Variants in DMTN observed in about 807,000 individuals in gnomAD.
DMTN encodes dematin actin binding protein, also known as dematin.
DMTN carries 27 observed loss-of-function variants against 59.4 expected under a neutral mutation model. The ratio of observed to expected loss-of-function variants is 0.45; its 90% CI spans 0.33 to 0.63. The LOEUF (loss-of-function observed/expected upper bound fraction) is 0.63. DMTN is among the 20% of genes least tolerant of loss of function. DMTN has a pLI of 0.02. For synonymous variants in DMTN, 221 were observed against 203.7 expected (o/e 1.08, Z -0.72); for missense variants, 451 against 528.9 (o/e 0.85, Z 1.45).
chr8:22,069,482 AC>A lies in DMTN; in HGVS notation c.364del (p.Arg122GlyfsTer109). 1.2e-6 allele frequency: 2 copies of A among 1,610,602 alleles called. No homozygotes were observed. Among genetic ancestry groups the A allele is most frequent in the Non-Finnish European group, 1.7e-6 (2 of 1,178,416 alleles). The stretch of plus-strand genomic sequence containing the variant: ...GGCCTCGGCCCCCAGAACCACTGGA[AC>A]CCCCCGGACCAGCCTGCCCCATTTC... ...SQASAPRTTG[T>X]PRTSLPHFHH... On this transcript the variant is annotated frameshift_variant, in exon 6 of 16. Transcript: ENST00000358242. LOFTEE classifies it high-confidence loss of function.
At chr8:22,078,798 G>GTTTTTTTTTTTTTTT (rs1224977627) in intron 10 of DMTN, among the ~76,000 whole-genome samples, 5 of 85,088 alleles carry the variant, frequency 5.9e-5, no homozygotes, top group African/African-American at 9.1e-5. Context: ...ATGTCAGACT[G>GTTTTTTTTTTTTTTT]TTTTTTTTTT....
intron 4 of DMTN, 129 bp from the exon 5 acceptor site, chr8:22,068,887 A>C: frequency 9.5e-7 from 1 of 1,051,832 alleles, no homozygotes; most frequent in Non-Finnish European, 1.5e-6. Flanking sequence ...CCAAGAAAGC[A>C]GAGGTGGCCC....
At chr8:22,073,328 A>G (rs1212286451) in intron 9 of DMTN, among the ~76,000 whole-genome samples, 1 of 152,128 alleles carries the variant, frequency 6.6e-6, no homozygotes, top group Non-Finnish European at 1.5e-5. Flanking sequence ...CCTTTTAGAG[A>G]TAAGAAATGA....
intron 8 of DMTN, among the ~76,000 whole-genome samples, chr8:22,072,079 T>C (rs983893452): frequency 6.6e-6 from 1 of 152,018 alleles, no homozygotes; most frequent in African/African-American, 2.4e-5. Context: ...AATAATTTTC[T>C]ATAGAGACTA....
At chr8:22,079,288 A>ATG (rs1740295293) in intron 10 of DMTN, among the ~76,000 whole-genome samples, 1 of 70,286 alleles carries the variant, frequency 1.4e-5, no homozygotes, top group Non-Finnish European at 3.0e-5. Context: ...ATATATATAT[A>ATG]TATATATATA....
intron 4 of DMTN, among the ~76,000 whole-genome samples, chr8:22,068,504 G>A (rs543295460): frequency 1.3e-3 from 204 of 152,292 alleles, no homozygotes; most frequent in Non-Finnish European, 2.1e-3. Context: ...GGAAGGGGAG[G>A]CTGCAGTGAG....
At chr8:22,057,302 C>T (rs2130182225) in intron 1 of DMTN, among the ~76,000 whole-genome samples, 166 bp downstream of exon 1, 1 of 152,280 alleles carries the variant, frequency 6.6e-6, no homozygotes, top group African/African-American at 2.4e-5. Flanking sequence ...TGGGCCTGAT[C>T]TAATGGAACC....
intron 4 of DMTN, among the ~76,000 whole-genome samples, chr8:22,067,960 C>G (rs1440857073): frequency 6.6e-6 from 1 of 152,220 alleles, no homozygotes; most frequent in African/African-American, 2.4e-5. Flanking sequence ...GGAAACAGTT[C>G]AGAAGCATTG....
At position 22,067,528 on chromosome 8, in the gene DMTN, C is replaced by G; in HGVS notation, c.95C>G (p.Ala32Gly). The change falls in exon 4 of 16, where the codon GCC (alanine) becomes GGC (glycine). Residue 32 changes from alanine (A) to glycine (G), a missense_variant and splice_region_variant. By Grantham distance (60) the Ala-to-Gly change is moderately conservative. Transcript: ENST00000358242. ...SVPGSPSSIVAKMDNQVLGYK... is the reference protein window; with the variant it reads ...SVPGSPSSIVGKMDNQVLGYK... ...TTTCACGCGCACCTTTCCCTTCAGGCCAAGATGGACAATCAGGTGCTGGGC... is the reference window on the plus strand; with the variant it reads ...TTTCACGCGCACCTTTCCCTTCAGGGCAAGATGGACAATCAGGTGCTGGGC... 6.2e-7 allele frequency: 1 copy of G among 1,614,176 alleles called. No individual in the cohort carries two copies. Among genetic ancestry groups the G allele is most frequent in the South Asian group, 1.1e-5 (1 of 91,086 alleles).
intron 10 of DMTN, among the ~76,000 whole-genome samples, chr8:22,075,426 G>A (rs996562997): frequency 4.0e-5 from 6 of 150,600 alleles, no homozygotes; most frequent in South Asian, 2.1e-4. Flanking sequence ...TTGGCTGACT[G>A]CAACCTCTAT....
Position 22,060,413 on chromosome 8 carries a change from GCTCT to G in DMTN, c.-172+3293_-172+3296del, listed in dbSNP as rs3063991. ...CTCTCTCTTTCTCTCTTTCTGTCTC[GCTCT>G]CTCTCTCTCTCTCTCCCCCTCACAC... On this transcript the variant is annotated intron_variant, in intron 1 of 15. Coordinates refer to ENST00000358242, the MANE Select transcript of DMTN (RefSeq NM_001387751.1). The surrounding 1 kb of genome is among the most constrained non-coding windows in gnomAD (Gnocchi z 5.0). Among the ~76,000 whole-genome samples, 801 of 147,580 alleles carry G rather than the reference GCTCT, an allele frequency of 5.4e-3. 5 individuals carry two copies. The highest frequency in any genetic ancestry group is 0.019 in the African/African-American group (755 of 39,628).
At chr8:22,069,818 C>T in intron 6 of DMTN, 63 bp from the exon 7 acceptor site, 3 of 1,573,290 alleles carry the variant, frequency 1.9e-6, no homozygotes, top group Non-Finnish European at 2.6e-6. Flanking sequence ...CATCTCCATT[C>T]TCCTGGCCCC....
At position 22,067,540 on chromosome 8, in the gene DMTN, A is replaced by C; in HGVS notation, c.107A>C (p.Asn36Thr). 6.2e-7 allele frequency: 1 copy of C among 1,614,206 alleles called. No homozygotes were observed. The highest frequency in any genetic ancestry group is 8.5e-7 in the Non-Finnish European group (1 of 1,180,028). ...CTTTCCCTTCAGGCCAAGATGGACA[A>C]TCAGGTGCTGGGCTACAAGGACCTG... ...SPSSIVAKMD[N>T]QVLGYKDLAA... Residue 36 changes from asparagine (N) to threonine (T), a missense_variant, in exon 4 of 16, where the codon AAT becomes ACT. Asn to Thr is a moderately conservative substitution (Grantham distance 65, BLOSUM62 0). Transcript: ENST00000358242.
upstream of DMTN, among the ~76,000 whole-genome samples, chr8:22,056,199 T>C (rs1471668718): frequency 1.3e-5 from 2 of 152,100 alleles, no homozygotes; most frequent in African/African-American, 4.8e-5. Context: ...GATGGGGTCC[T>C]TCTCTCTCTC....
chr8:22,073,780 A>G lies in DMTN; in HGVS notation c.780A>G (p.Ser260=), dbSNP rs768747854. ...KMILKEEMEK[S]LPIRRKTRSL... Reference sequence around the variant, plus strand: ...TCTTGAAAGAAGAGATGGAAAAGTCATTGCCGATCCGAAGGAAAACCCGCT... The same window carrying G: ...TCTTGAAAGAAGAGATGGAAAAGTCGTTGCCGATCCGAAGGAAAACCCGCT... Residue 260 remains serine, a synonymous_variant, in exon 10 of 16, where the codon TCA becomes TCG. Transcript: ENST00000358242. The G allele has an allele frequency of 1.9e-6, 3 of 1,614,110 alleles. No homozygotes were observed. Among genetic ancestry groups the G allele is most frequent in the South Asian group, 1.1e-5 (1 of 91,072 alleles).
intron 10 of DMTN, among the ~76,000 whole-genome samples, chr8:22,075,943 G>A (rs1819463375): frequency 6.6e-6 from 1 of 152,184 alleles, no homozygotes; most frequent in African/African-American, 2.4e-5. Flanking sequence ...CTGGATAAGG[G>A]CTAAAAAACG....
rs372864638 is a variant in DMTN at position 22,067,540 on chromosome 8, A to T, written c.107A>T (p.Asn36Ile). Residue 36 changes from asparagine to isoleucine, a missense_variant, in exon 4 of 16, where the codon AAT (asparagine) becomes ATT (isoleucine). Physicochemically the swap from Asn to Ile is moderately radical, Grantham distance 149 (BLOSUM62 -3). Transcript: ENST00000358242. Reference protein sequence around the residue: ...SPSSIVAKMDNQVLGYKDLAA... With the variant: ...SPSSIVAKMDIQVLGYKDLAA... ...CTTTCCCTTCAGGCCAAGATGGACAATCAGGTGCTGGGCTACAAGGACCTG... is the reference window on the plus strand; with the variant it reads ...CTTTCCCTTCAGGCCAAGATGGACATTCAGGTGCTGGGCTACAAGGACCTG... 9.4e-5 allele frequency: 151 copies of T among 1,614,088 alleles called. No individual in the cohort carries two copies. The highest frequency in any genetic ancestry group is 1.2e-4 in the Non-Finnish European group (145 of 1,180,036).
intron 1 of DMTN, among the ~76,000 whole-genome samples, chr8:22,061,749 A>ATTTTTTT (rs1175743497): frequency 0.013 from 1,566 of 119,564 alleles, 23 homozygotes; most frequent in Non-Finnish European, 0.02. Context: ...CTTAATTCTC[A>ATTTTTTT]TTTTTTTTTT....
chr8:22,067,105 G>A lies in DMTN; in HGVS notation c.39G>A (p.Gly13=). 6.2e-7 allele frequency: 1 copy of A among 1,606,004 alleles called. No individual in the cohort carries two copies. Among genetic ancestry groups the A allele is most frequent in the Non-Finnish European group, 8.5e-7 (1 of 1,176,848 alleles). The change falls in exon 3 of 16, where the codon GGG becomes GGA. Residue 13 remains glycine (G), a synonymous_variant. Coordinates refer to ENST00000358242, the MANE Select transcript of DMTN (RefSeq NM_001387751.1). ...RLQKQPLTSP[G]SVSPSRDSSV... ...CCCAGCAACCACTTACCTCCCCCGG[G>A]AGCGTGAGCCCCTCCCGAGATTCCA...
Sources: allele counts gnomAD v4.1 joint callset (sites outside exome capture counted in the v4.1 genomes callset), GRCh38; gene constraint gnomAD v4.1.1; non-coding constraint Gnocchi (gnomAD v3.1); transcripts MANE v1.5; gene names NCBI Gene and HGNC (gene_info 2026-07-23, HGNC 2026-07-21).